The following ARHGAP12 variants were observed in gnomAD, a reference collection of about 807,000 sequenced individuals.
The protein encoded by ARHGAP12 is Rho GTPase activating protein 12.
In ARHGAP12, 64 loss-of-function variants were observed where a neutral mutation model predicts 108.6. The observed-to-expected ratio is 0.59, with a 90% confidence interval of 0.48 to 0.73. The LOEUF is 0.73. Among genes scored for constraint, ARHGAP12 ranks in the 30% least tolerant of loss-of-function variants. ARHGAP12 has a pLI of 0.00. For synonymous variants in ARHGAP12, 312 were observed against 337.2 expected (o/e 0.93, Z 0.82); for missense variants, 940 against 1,005.9 (o/e 0.93, Z 0.89).
intron 3 of ARHGAP12, among the ~76,000 whole-genome samples, chr10:31,903,174 G>A (rs952141919): frequency 3.3e-5 from 5 of 152,150 alleles, no homozygotes; most frequent in Admixed American, 2.6e-4. Context: ...TACACAAAAC[G>A]AGATGGTATA....
intron 12 of ARHGAP12, among the ~76,000 whole-genome samples, chr10:31,819,731 G>C (rs1592250622): frequency 6.6e-6 from 1 of 152,200 alleles, no homozygotes; most frequent in East Asian, 1.9e-4. Flanking sequence ...GGTCACTTGA[G>C]ACCATCCAGT....
intron 1 of ARHGAP12, among the ~76,000 whole-genome samples, chr10:31,912,145 A>T (rs566719090): frequency 1.3e-5 from 2 of 152,130 alleles, no homozygotes; most frequent in East Asian, 3.9e-4. Flanking sequence ...ACCTATACAA[A>T]TTTTTCACAA....
intron 11 of ARHGAP12, among the ~76,000 whole-genome samples, chr10:31,825,378 T>A (rs530249989): frequency 6.6e-6 from 1 of 152,196 alleles, no homozygotes; most frequent in Non-Finnish European, 1.5e-5. Flanking sequence ...TTGGTTACGG[T>A]AGAATATGAG....
chr10:31,913,682 A>G (rs1839443985), intron 1 of ARHGAP12: 1 of 154,188 alleles, frequency 6.5e-6, no homozygotes, highest in Non-Finnish European at 1.5e-5. Flanking sequence ...AAAGCAAGAA[A>G]AAGAAGAAAG....
intron 3 of ARHGAP12, among the ~76,000 whole-genome samples, chr10:31,906,251 A>G (rs1839128688): frequency 6.6e-6 from 1 of 152,184 alleles, no homozygotes; most frequent in African/African-American, 2.4e-5. Flanking sequence ...GCTGCTTCTG[A>G]TTCAGTGACT....
intron 3 of ARHGAP12, among the ~76,000 whole-genome samples, chr10:31,863,051 A>T (rs1837189016): frequency 6.6e-6 from 1 of 152,240 alleles, no homozygotes; most frequent in Admixed American, 6.5e-5. Context: ...TGAAAACAGT[A>T]AAAATAACCC....
At position 31,808,698 on chromosome 10, in the gene ARHGAP12, G is replaced by C; in HGVS notation, c.2317C>G (p.Pro773Ala). 6.2e-7 allele frequency: 1 copy of C among 1,613,810 alleles called. No homozygotes were observed. Among genetic ancestry groups the C allele is most frequent in the Non-Finnish European group, 8.5e-7 (1 of 1,179,770 alleles). Residue 773 changes from proline (P) to alanine (A), a missense_variant, in exon 19 of 20, where the codon CCA becomes GCA. Pro to Ala is a conservative substitution (Grantham distance 27, BLOSUM62 -1). Coordinates refer to ENST00000344936, the MANE Select transcript of ARHGAP12 (RefSeq NM_018287.7). ...TGCATTGTGTCTTGGTTTGGCTTTG[G>C]CAACTGTCTGATTAGGTCCTTAACA... ...AAVKDLIRQL[P>A]KPNQDTMQIL...
At chr10:31,847,111 C>T (rs956701316) in intron 6 of ARHGAP12, among the ~76,000 whole-genome samples, 1 of 152,070 alleles carries the variant, frequency 6.6e-6, no homozygotes, top group Admixed American at 6.5e-5. Context: ...CCAACCTCTT[C>T]ACTTATCTCA....
intron 11 of ARHGAP12, among the ~76,000 whole-genome samples, chr10:31,823,258 A>G (rs780216401): frequency 6.6e-6 from 1 of 152,160 alleles, no homozygotes; most frequent in Non-Finnish European, 1.5e-5. Flanking sequence ...ACATTTCTGA[A>G]GTGAGAAAAA....
At chr10:31,924,500 T>C (rs1839948636) in intron 1 of ARHGAP12, among the ~76,000 whole-genome samples, 1 of 152,226 alleles carries the variant, frequency 6.6e-6, no homozygotes, top group African/African-American at 2.4e-5. Flanking sequence ...TATGTAGCCT[T>C]CTGTGTCTGA....
At chr10:31,845,601 A>G (rs1229213492) in intron 6 of ARHGAP12, among the ~76,000 whole-genome samples, 2 of 152,272 alleles carry the variant, frequency 1.3e-5, no homozygotes, top group South Asian at 2.1e-4. Flanking sequence ...CCTGGCCAAC[A>G]TGGTAAAAGC....
At chr10:31,814,063 C>T (rs750398398) in intron 14 of ARHGAP12, among the ~76,000 whole-genome samples, 196 bp downstream of exon 14, 1 of 152,154 alleles carries the variant, frequency 6.6e-6, no homozygotes, top group African/African-American at 2.4e-5. Flanking sequence ...AGGATGCATA[C>T]TATGAGGCTG....
At chr10:31,859,067 G>GCAGCC (rs1176351918) in intron 4 of ARHGAP12, among the ~76,000 whole-genome samples, 3 of 152,164 alleles carry the variant, frequency 2.0e-5, no homozygotes, top group Non-Finnish European at 4.4e-5. Context: ...TGCTAGGTGT[G>GCAGCC]CAGCCCATCC....
intron 14 of ARHGAP12, among the ~76,000 whole-genome samples, chr10:31,813,192 A>C (rs1316586279): frequency 6.6e-6 from 1 of 152,156 alleles, no homozygotes; most frequent in East Asian, 1.9e-4. Context: ...GACCACCAAA[A>C]AGTAAAAATA....
At chr10:31,808,209 G>A (rs1834889426) in intron 19 of ARHGAP12, among the ~76,000 whole-genome samples, 1 of 141,618 alleles carries the variant, frequency 7.1e-6, no homozygotes, top group Non-Finnish European at 1.5e-5. Context: ...CTCATTTTAT[G>A]TAATTTCTTT....
At chr10:31,865,856 C>T (rs1218818519) in intron 3 of ARHGAP12, among the ~76,000 whole-genome samples, 1 of 146,104 alleles carries the variant, frequency 6.8e-6, no homozygotes, top group Admixed American at 7.0e-5. Flanking sequence ...CCAGCCTGGG[C>T]GACTGAGCAA....
chr10:31,895,739 G>A (rs1258965223), intron 3 of ARHGAP12, among the ~76,000 whole-genome samples: 2 of 152,126 alleles, frequency 1.3e-5, no homozygotes, highest in African/African-American at 4.8e-5. Flanking sequence ...CCATTACTGG[G>A]TATATACCCC....
At position 31,923,128 on chromosome 10, in the gene ARHGAP12, AC is replaced by A. The variant is rs761242264; in HGVS notation, c.-111+5554del. On this transcript the variant is annotated intron_variant, in intron 1 of 19. Coordinates refer to ENST00000344936, the MANE Select transcript of ARHGAP12 (RefSeq NM_018287.7). ...CCTGGGGTGACAGAGCAAGACCCTA[AC>A]AGGAAAAAAAAAAAAAAAAAAAACA... is the stretch of plus-strand genomic sequence containing the variant. Among the ~76,000 whole-genome samples the A allele has an allele frequency of 2.7e-3, 302 of 112,158 alleles. 2 individuals carry two copies. Among genetic ancestry groups the A allele is most frequent in the Non-Finnish European group, 4.8e-3 (239 of 50,186 alleles). 73.6% of individuals were successfully genotyped at this position (112,158 alleles called of 152,430 possible).
At position 31,805,969 on chromosome 10, in the gene ARHGAP12, C is replaced by T. The variant is rs1341665397; in HGVS notation, c.*1689G>A. On this transcript the variant is annotated 3_prime_UTR_variant, in exon 20 of 20. Transcript: ENST00000344936. ...CACAACAACAAATACAGACTTTCTA[C>T]CACAAAATTCAGGTGAGAGGTTTTT... 1 of 152,062 alleles carries T rather than the reference C, an allele frequency of 6.6e-6. No individual in the cohort carries two copies. The highest frequency in any genetic ancestry group is 1.5e-5 in the Non-Finnish European group (1 of 67,994). The allele number at this position is 152,062 out of a possible 1,614,324, so 9.4% of individuals were successfully genotyped here.
Sources: allele counts gnomAD v4.1 joint callset (sites outside exome capture counted in the v4.1 genomes callset), GRCh38; gene constraint gnomAD v4.1.1; transcripts MANE v1.5; gene names NCBI Gene and HGNC (gene_info 2026-07-23, HGNC 2026-07-21).